DNAJC16: variants seen among roughly 807,000 people sequenced by gnomAD.
DNAJC16 encodes the protein DnaJ heat shock protein family (Hsp40) member C16.
A neutral mutation model predicts 92.7 loss-of-function variants in DNAJC16; 76 were observed. The ratio of observed to expected loss-of-function variants is 0.82; its 90% CI spans 0.68 to 0.99. The LOEUF is 0.99. Among genes scored for constraint, DNAJC16 ranks in the 50% least tolerant of loss-of-function variants. DNAJC16 has a pLI of 0.00. For synonymous variants in DNAJC16, 328 were observed against 358.7 expected (o/e 0.91, Z 0.97); for missense variants, 869 against 942.4 (o/e 0.92, Z 1.02).
Position 15,571,490 on chromosome 1 carries a change from ATCTG to A in DNAJC16, c.*3319_*3322del, listed in dbSNP as rs1426745982. On this transcript the variant is annotated 3_prime_UTR_variant, in exon 15 of 15. Coordinates refer to ENST00000375847, the MANE Select transcript of DNAJC16 (RefSeq NM_015291.4). ...ACAAGTGCAGTGTGGCAGCTGCTGA[ATCTG>A]TCTGTTCAGTTTGTCAAGGAGGATA... The A allele has an allele frequency of 6.6e-6, 1 of 152,644 alleles. No individual in the cohort carries two copies. The highest frequency in any genetic ancestry group is 2.4e-5 in the African/African-American group (1 of 41,448). The allele number at this position is 152,644 out of a possible 1,614,324, so 9.5% of individuals were successfully genotyped here. A position where few individuals can be genotyped will look rare whatever the true frequency, so the allele number is the denominator to read the frequency against.
intron 4 of DNAJC16, among the ~76,000 whole-genome samples, chr1:15,544,160 A>ACACACACACACACG (rs1638226298): frequency 6.7e-6 from 1 of 149,194 alleles, no homozygotes; most frequent in African/African-American, 2.5e-5. Flanking sequence ...ATACACACAC[A>ACACACACACACACG]CACACACACA....
At chr1:15,553,391 G>T (rs1019183800) in intron 7 of DNAJC16, among the ~76,000 whole-genome samples, 1 of 151,286 alleles carries the variant, frequency 6.6e-6, no homozygotes, top group African/African-American at 2.4e-5. Context: ...ACTCCACCAC[G>T]CCCAGCTAAT....
chr1:15,537,222 C>T lies in DNAJC16; in HGVS notation c.574+408C>T, dbSNP rs566743722. 5.9e-4 allele frequency among the ~76,000 whole-genome samples: 90 copies of T among 152,266 alleles called. 1 individual carries two copies. Among genetic ancestry groups the T allele is most frequent in the African/African-American group, 2.1e-3 (88 of 41,554 alleles). Reference sequence around the variant, plus strand: ...AATCTTTCTTAAATGTATTAGTCTGCTTTCTTCAACTCTGTGACTCCGAAG... The same window carrying T: ...AATCTTTCTTAAATGTATTAGTCTGTTTTCTTCAACTCTGTGACTCCGAAG... On this transcript the variant is annotated intron_variant, in intron 4 of 14. Transcript: ENST00000375847.
chr1:15,560,466 T>A (rs541035506), intron 8 of DNAJC16: 16 of 151,536 alleles, frequency 1.1e-4, no homozygotes, highest in African/African-American at 3.7e-4. Context: ...AGAGTTATTA[T>A]ACAAAGTATC....
chr1:15,565,586 A>C (rs1451632709), intron 11 of DNAJC16: 1 of 252,426 alleles, frequency 4.0e-6, no homozygotes, highest in African/African-American at 2.3e-5. Flanking sequence ...TTGAGGAAAT[A>C]ATTCCACAAT....
Position 15,534,301 on chromosome 1 carries a change from G to A in DNAJC16, c.232G>A (p.Glu78Lys), listed in dbSNP as rs370451143. The stretch of plus-strand genomic sequence containing the variant: ...GTTCATTCAAATCAGTAAGGCTTAC[G>A]AGGTATCGTGTCCAGCTTTGTGATG... ...DKFIQISKAY[E>K]ILSNEEKRSN... Residue 78 changes from glutamate to lysine, a missense_variant and splice_region_variant, in exon 3 of 15, where the codon GAG (glutamate) becomes AAG (lysine). Glu to Lys is a moderately conservative substitution (Grantham distance 56, BLOSUM62 1). Transcript: ENST00000375847. 12 of 1,613,982 alleles carry A rather than the reference G, an allele frequency of 7.4e-6. No individual in the cohort carries two copies. Among genetic ancestry groups the A allele is most frequent in the Middle Eastern group, 1.6e-4 (1 of 6,062 alleles).
intron 7 of DNAJC16, among the ~76,000 whole-genome samples, chr1:15,551,030 C>T (rs902162178): frequency 1.6e-4 from 24 of 152,114 alleles, no homozygotes; most frequent in Middle Eastern, 3.2e-3. Context: ...CCACCATGCC[C>T]GGCTAATTTT....
intron 4 of DNAJC16, among the ~76,000 whole-genome samples, chr1:15,541,248 C>T (rs185965754): frequency 6.6e-6 from 1 of 152,312 alleles, no homozygotes; most frequent in African/African-American, 2.4e-5. Flanking sequence ...CCAAATCTCC[C>T]AATGTATGTG....
chr1:15,555,631 A>G (rs1285389055), intron 7 of DNAJC16, among the ~76,000 whole-genome samples: 1 of 151,074 alleles, frequency 6.6e-6, no homozygotes. Context: ...GCAGTGAGCC[A>G]AGATCACACC....
chr1:15,546,916 T>A, intron 6 of DNAJC16, 45 bp downstream of exon 6: 40 of 122,088 alleles, frequency 3.3e-4, no homozygotes, highest in Non-Finnish European at 5.9e-4. Context: ...TTTTCTTTTC[T>A]TTTTTTTTTT....
At chr1:15,557,397 G>C (rs916201444) in intron 7 of DNAJC16, among the ~76,000 whole-genome samples, 6 of 152,056 alleles carry the variant, frequency 3.9e-5, no homozygotes, top group African/African-American at 1.4e-4. Context: ...CTTCTCTTTT[G>C]TTTTCATGGT....
intron 3 of DNAJC16, among the ~76,000 whole-genome samples, chr1:15,534,679 C>T (rs976508413): frequency 6.6e-6 from 1 of 151,654 alleles, no homozygotes; most frequent in African/African-American, 2.4e-5. Flanking sequence ...GAGCAGAGAT[C>T]GAGGCCTGGG....
At chr1:15,558,341 T>C (rs1190008411) in intron 7 of DNAJC16, among the ~76,000 whole-genome samples, 1 of 151,880 alleles carries the variant, frequency 6.6e-6, no homozygotes, top group Non-Finnish European at 1.5e-5. Context: ...ACCACCATCA[T>C]GCCTGGCTAA....
intron 11 of DNAJC16, 193 bp from the exon 12 acceptor site, chr1:15,565,725 TG>T (rs1419342419): frequency 1.6e-5 from 10 of 616,198 alleles, no homozygotes; most frequent in Non-Finnish European, 2.9e-5. Flanking sequence ...ATAAGCTGTC[TG>T]TGAATTAGAA....
In DNAJC16 at chr1:15,536,489, A is replaced by G. The variant is rs1404188002; in HGVS notation, c.249A>G (p.Glu83=). The change falls in exon 4 of 15, where the codon GAA becomes GAG. Residue 83 remains glutamate (E), a synonymous_variant. Coordinates refer to ENST00000375847, the MANE Select transcript of DNAJC16 (RefSeq NM_015291.4). ...TTCCTTTATAGATTCTTTCAAATGA[A>G]GAAAAGAGATCAAATTATGATCAAT... ...ISKAYEILSN[E]EKRSNYDQYG... is the part of the protein sequence containing the mutation. 5 of 1,587,476 alleles carry G rather than the reference A, an allele frequency of 3.1e-6. No homozygotes were observed. The highest frequency in any genetic ancestry group is 4.3e-6 in the Non-Finnish European group (5 of 1,169,940).
chr1:15,566,223 C>T (rs187974020), intron 13 of DNAJC16, 43 bp downstream of exon 13: 3 of 1,487,200 alleles, frequency 2.0e-6, no homozygotes, highest in African/African-American at 2.8e-5. Context: ...CGGCACCTGC[C>T]CCCCAGATCC....
rs1710729750 is a variant in DNAJC16, at chr1:15,534,302, A to T, written c.233A>T (p.Glu78Val). 2.5e-6 allele frequency: 4 copies of T among 1,614,022 alleles called. No individual in the cohort carries two copies. Among genetic ancestry groups the T allele is most frequent in the Non-Finnish European group, 3.4e-6 (4 of 1,179,946 alleles). Reference protein sequence around the residue: ...DKFIQISKAYEILSNEEKRSN... With the variant: ...DKFIQISKAYVILSNEEKRSN... ...TTCATTCAAATCAGTAAGGCTTACG[A>T]GGTATCGTGTCCAGCTTTGTGATGC... The change falls in exon 3 of 15, where the codon GAG becomes GTG. Residue 78 changes from glutamate (E) to valine (V), a missense_variant and splice_region_variant. Glu to Val is a moderately radical substitution (Grantham distance 121). Transcript: ENST00000375847.
chr1:15,559,434 T>A (rs1638642476), intron 7 of DNAJC16, 92 bp from the exon 8 acceptor site: 1 of 1,550,650 alleles, frequency 6.4e-7, no homozygotes, highest in African/African-American at 1.4e-5. Context: ...CAAGGTCAGC[T>A]ACGTTTTTAT....
At chr1:15,559,171 C>G (rs72645821) in intron 7 of DNAJC16, among the ~76,000 whole-genome samples, 42,121 of 151,964 alleles carry the variant, frequency 0.28, 6,694 homozygotes, top group African/African-American at 0.43. Context: ...AACTCCTGAC[C>G]TCGTGATCTA....
Sources: gnomAD v4.1 joint callset for allele counts (sites outside exome capture counted in the v4.1 genomes callset) on GRCh38, gnomAD v4.1.1 for gene constraint, MANE v1.5 for transcripts, NCBI Gene and HGNC (gene_info 2026-07-23, HGNC 2026-07-21) for gene names.